ARID4B: variants seen among roughly 807,000 people sequenced by gnomAD.
ARID4B encodes AT-rich interaction domain 4B, also known as AT-rich interactive domain-containing protein 4B.
A neutral mutation model predicts 147.5 loss-of-function variants in ARID4B; 26 were observed. The observed-to-expected ratio is 0.18, with a 90% CI of 0.13 to 0.24. The LOEUF (loss-of-function observed/expected upper bound fraction) is 0.24, where lower values mean the gene tolerates loss of function less well. ARID4B is among the 10% of genes least tolerant of loss of function. ARID4B has a pLI of 1.00. For synonymous variants in ARID4B, 512 were observed against 507.9 expected (o/e 1.01, Z -0.11); for missense variants, 1,179 against 1,511.5 (o/e 0.78, Z 3.65).
intron 2 of ARID4B, among the ~76,000 whole-genome samples, chr1:235,265,182 G>GGT (rs1670526321): frequency 6.7e-6 from 1 of 149,310 alleles, no homozygotes; most frequent in Non-Finnish European, 1.5e-5. Flanking sequence ...TGGCCAACAT[G>GGT]GTGAAAACCC....
chr1:235,221,886 A>ATTTT (rs768600040), intron 13 of ARID4B, among the ~76,000 whole-genome samples: 918 of 53,580 alleles, frequency 0.017, 78 homozygotes, highest in East Asian at 0.036. Context: ...TCATTTGACT[A>ATTTT]TTTTTTTTTT....
At chr1:235,247,513 C>T (rs1339261441) in intron 6 of ARID4B, among the ~76,000 whole-genome samples, 3 of 151,854 alleles carry the variant, frequency 2.0e-5, no homozygotes, top group Non-Finnish European at 2.9e-5. Flanking sequence ...TATCTAACAA[C>T]GAACAGTATG....
intron 7 of ARID4B, among the ~76,000 whole-genome samples, chr1:235,240,980 T>C (rs1241284069): frequency 6.6e-6 from 1 of 152,138 alleles, no homozygotes; most frequent in Non-Finnish European, 1.5e-5. Flanking sequence ...AAATGTCCAA[T>C]AAGCCTCTTT....
At position 235,240,361 on chromosome 1, in the gene ARID4B, T is replaced by G; in HGVS notation, c.537A>C (p.Val179=). 6.2e-7 allele frequency: 1 copy of G among 1,613,570 alleles called. No homozygotes were observed. Among genetic ancestry groups the G allele is most frequent in the Non-Finnish European group, 8.5e-7 (1 of 1,179,648 alleles). ...TCTTTTTATCCAAACTAATGTAATC[T>G]ACACATACAACTTTGCCTAGTAGCT... ...IDELLGKVVC[V]DYISLDKKKA... The change falls in exon 8 of 24, where the codon GTA becomes GTC. Residue 179 remains valine, a synonymous_variant. Transcript: ENST00000264183.
intron 19 of ARID4B, among the ~76,000 whole-genome samples, chr1:235,192,635 C>T (rs886986398): frequency 2.6e-5 from 4 of 151,356 alleles, no homozygotes; most frequent in African/African-American, 9.7e-5. Flanking sequence ...AAAAATGAAA[C>T]CTCTTTTAAG....
chr1:235,291,139 A>G (rs1040743801), intron 2 of ARID4B, among the ~76,000 whole-genome samples: 3 of 151,762 alleles, frequency 2.0e-5, no homozygotes, highest in African/African-American at 4.8e-5. Flanking sequence ...GCTCACGCCT[A>G]TAATTCCAGC....
intron 2 of ARID4B, among the ~76,000 whole-genome samples, chr1:235,292,004 G>C (rs947136299): frequency 5.3e-5 from 8 of 152,100 alleles, no homozygotes; most frequent in African/African-American, 1.9e-4. Context: ...TAGGATGAAA[G>C]GGTTTTTACT....
At chr1:235,287,172 T>C (rs1158324217) in intron 2 of ARID4B, among the ~76,000 whole-genome samples, 2 of 152,044 alleles carry the variant, frequency 1.3e-5, no homozygotes, top group East Asian at 1.9e-4. Context: ...GGGAGGAGAA[T>C]TGCTTGAACC....
At chr1:235,273,972 G>A (rs1176090109) in intron 2 of ARID4B, among the ~76,000 whole-genome samples, 1 of 152,128 alleles carries the variant, frequency 6.6e-6, no homozygotes, top group African/African-American at 2.4e-5. Flanking sequence ...TGCAACAAGC[G>A]AAGTAATACT....
intron 2 of ARID4B, among the ~76,000 whole-genome samples, chr1:235,300,797 C>T (rs1229237475): frequency 6.6e-6 from 1 of 152,108 alleles, no homozygotes; most frequent in Non-Finnish European, 1.5e-5. Context: ...GCAACCTCCA[C>T]CTCCCAGGTT....
rs1264196304 is a variant in ARID4B at position 235,255,220 on chromosome 1, T to TATATATATATATATATAGAGAG, written c.274+439_274+440insCTCTCTATATATATATATATAT. On this transcript the variant is annotated intron_variant, in intron 5 of 23. Coordinates refer to ENST00000264183, the MANE Select transcript of ARID4B (RefSeq NM_016374.6). ...TACTACTTTGTTTCCTGCTGGGAGC[T>TATATATATATATATATAGAGAG]AGATAGATAGATAGATAGATAGATA... 2.1e-4 allele frequency among the ~76,000 whole-genome samples: 13 copies of TATATATATATATATATAGAGAG among 62,388 alleles called. No individual in the cohort carries two copies. In the South Asian group the frequency reaches 6.8e-3, roughly 33 times the overall value. 40.9% of individuals were successfully genotyped at this position (62,388 alleles called of 152,430 possible). A position where few individuals can be genotyped will look rare whatever the true frequency, so the allele number is the denominator to read the frequency against.
chr1:235,245,633 T>C (rs991880868), intron 7 of ARID4B, among the ~76,000 whole-genome samples: 1 of 152,174 alleles, frequency 6.6e-6, no homozygotes, highest in Non-Finnish European at 1.5e-5. Context: ...GAAGCAGAAT[T>C]TTTATATATA....
In ARID4B at chr1:235,250,319, A is replaced by C. The variant is rs182249924; in HGVS notation, c.354+2411T>G. Among the ~76,000 whole-genome samples, 47 of 152,228 alleles carry C rather than the reference A, an allele frequency of 3.1e-4. No individual in the cohort carries two copies. In the East Asian group the frequency reaches 8.1e-3, roughly 26 times the overall value. On this transcript the variant is annotated intron_variant, in intron 6 of 23. Coordinates refer to ENST00000264183, the MANE Select transcript of ARID4B (RefSeq NM_016374.6). Reference sequence around the variant, plus strand: ...ATGTTATGGACTACTACTACTACTAATACTCTGAATGGTCTTTCAAAAACG... The same window carrying C: ...ATGTTATGGACTACTACTACTACTACTACTCTGAATGGTCTTTCAAAAACG...
chr1:235,236,600 A>G (rs1300562673), intron 8 of ARID4B, among the ~76,000 whole-genome samples: 1 of 147,698 alleles, frequency 6.8e-6, no homozygotes, highest in Non-Finnish European at 1.5e-5. Context: ...TGCAACCTCC[A>G]CCTCCCGTGT....
intron 2 of ARID4B, among the ~76,000 whole-genome samples, chr1:235,291,440 A>T (rs1672332009): frequency 6.6e-6 from 1 of 151,906 alleles, no homozygotes; most frequent in Admixed American, 6.6e-5. Context: ...TAAATAAAAT[A>T]AATTTTTAAT....
chr1:235,248,843 T>C (rs533035758), intron 6 of ARID4B, among the ~76,000 whole-genome samples: 1 of 152,262 alleles, frequency 6.6e-6, no homozygotes, highest in African/African-American at 2.4e-5. Flanking sequence ...GTAGAATTTG[T>C]CCCATCTTAG....
rs371789248 is a variant in ARID4B at position 235,194,258 on chromosome 1, T to A, written c.1927-47A>T. 1.1e-4 allele frequency: 146 copies of A among 1,369,330 alleles called. 1 individual carries two copies. The highest frequency in any genetic ancestry group is 1.5e-4 in the Non-Finnish European group (145 of 968,974). 84.8% of individuals were successfully genotyped at this position (1,369,330 alleles called of 1,614,324 possible). ...GTCGTAATTTATCATAAGGCATTTA[T>A]CAGAAACAATGTTAATGTCCACTTT... On this transcript the variant is annotated intron_variant, in intron 18 of 23. Coordinates refer to ENST00000264183, the MANE Select transcript of ARID4B (RefSeq NM_016374.6).
intron 17 of ARID4B, among the ~76,000 whole-genome samples, chr1:235,206,637 G>C (rs898618046): frequency 1.3e-5 from 2 of 152,158 alleles, no homozygotes; most frequent in African/African-American, 4.8e-5. Context: ...GGAGCAGCTG[G>C]AGCCCAAGCA....
intron 2 of ARID4B, among the ~76,000 whole-genome samples, chr1:235,310,983 C>T (rs1026551281): frequency 6.6e-6 from 1 of 152,096 alleles, no homozygotes; most frequent in Non-Finnish European, 1.5e-5. Flanking sequence ...CAAAATTAAC[C>T]TGTCTAATCA....
Sources: allele counts gnomAD v4.1 joint callset (sites outside exome capture counted in the v4.1 genomes callset), GRCh38; gene constraint gnomAD v4.1.1; transcripts MANE v1.5; gene names NCBI Gene and HGNC (gene_info 2026-07-23, HGNC 2026-07-21).